The following NTM variants were observed in gnomAD, a reference collection of about 807,000 sequenced individuals.
NTM encodes IgLON family member 2.
A neutral mutation model predicts 42.1 loss-of-function variants in NTM; 13 were observed. That is an observed-to-expected ratio of 0.31 (90% CI 0.20 to 0.49). The LOEUF is 0.49. Among genes scored for constraint, NTM ranks in the 20% least tolerant of loss-of-function variants. The pLI, the probability that NTM is intolerant of heterozygous loss-of-function variation, is 0.99. For synonymous variants in NTM, 187 were observed against 179.2 expected (o/e 1.04, Z -0.35); for missense variants, 373 against 452.8 (o/e 0.82, Z 1.60).
chr11:132,053,928 A>G (rs567645560), intron 2 of NTM, among the ~76,000 whole-genome samples: 68 of 152,336 alleles, frequency 4.5e-4, no homozygotes, highest in African/African-American at 1.6e-3. Flanking sequence ...CACCCAATAA[A>G]AAAGTCGCTG....
chr11:132,317,805 G>A, intron 7 of NTM: 1 of 480,582 alleles, frequency 2.1e-6, no homozygotes, highest in Non-Finnish European at 3.7e-6. Flanking sequence ...AGAGGATGTG[G>A]AAGGCTATTG....
At chr11:132,269,069 T>G (rs1008742350) in intron 4 of NTM, among the ~76,000 whole-genome samples, 11 of 152,174 alleles carry the variant, frequency 7.2e-5, no homozygotes, top group African/African-American at 2.7e-4. Context: ...AGACTCCATG[T>G]GACCACTTTA....
chr11:131,677,806 C>A (rs2071693274), intron 1 of NTM, among the ~76,000 whole-genome samples: 1 of 152,214 alleles, frequency 6.6e-6, no homozygotes, highest in African/African-American at 2.4e-5. Flanking sequence ...TACCAGCGCC[C>A]TGCAGAGGCC....
At chr11:131,761,084 GC>G (rs2084091567) in intron 1 of NTM, among the ~76,000 whole-genome samples, 1 of 152,132 alleles carries the variant, frequency 6.6e-6, no homozygotes, top group South Asian at 2.1e-4. Flanking sequence ...GGCAGGGGAA[GC>G]GGGGAGGACA....
At chr11:131,834,705 A>C (rs930752400) in intron 1 of NTM, among the ~76,000 whole-genome samples, 1 of 150,660 alleles carries the variant, frequency 6.6e-6, no homozygotes, top group African/African-American at 2.4e-5. Flanking sequence ...TTTACACATG[A>C]GGAATCTGAG....
In NTM at chr11:132,132,942, A is replaced by T. The variant is rs147686206; in HGVS notation, c.168-13340A>T. On this transcript the variant is annotated intron_variant, in intron 2 of 8. Transcript: ENST00000683400. ...TTAAAATCTGAGTAACACCCAGTGC[A>T]TTGTCAAGCTTTCAAAATGTTCATT... 7.4e-3 allele frequency among the ~76,000 whole-genome samples: 1,131 copies of T among 152,342 alleles called. 7 individuals carry two copies. The highest frequency in any genetic ancestry group is 0.012 in the Non-Finnish European group (808 of 68,034).
rs2059108881 is a variant in NTM at position 131,935,463 on chromosome 11, A to G, written c.167+23815A>G. ...TTAGTCATAAATATTTGTCCTAAAA[A>G]CCAGTTTTGGGCCACTTCCATGTCC... is the stretch of plus-strand genomic sequence containing the variant. On this transcript the variant is annotated intron_variant, in intron 2 of 8. Coordinates refer to ENST00000683400, the MANE Select transcript of NTM (RefSeq NM_001352005.2). Among the ~76,000 whole-genome samples, 3 of 152,062 alleles carry G rather than the reference A, an allele frequency of 2.0e-5. No homozygotes were observed. In the South Asian group the frequency reaches 6.2e-4, roughly 32 times the overall value.
intron 2 of NTM, among the ~76,000 whole-genome samples, chr11:131,932,606 C>A (rs959572910): frequency 6.6e-6 from 1 of 152,142 alleles, no homozygotes; most frequent in Non-Finnish European, 1.5e-5. Flanking sequence ...GCACTTCATC[C>A]AGCTTCTGCA....
chr11:132,114,683 TA>T (rs1431486789), intron 2 of NTM, among the ~76,000 whole-genome samples: 1 of 152,214 alleles, frequency 6.6e-6, no homozygotes, highest in Admixed American at 6.5e-5. Flanking sequence ...AGGTTGTTTC[TA>T]GGGGGAAGGA....
intron 2 of NTM, among the ~76,000 whole-genome samples, chr11:131,986,063 T>A (rs2066024022): frequency 6.6e-6 from 1 of 152,226 alleles, no homozygotes; most frequent in South Asian, 2.1e-4. Context: ...GACCCTGTTT[T>A]GGATTGAACT....
chr11:131,731,098 A>G (rs2079626583), intron 1 of NTM, among the ~76,000 whole-genome samples: 2 of 152,124 alleles, frequency 1.3e-5, no homozygotes, highest in East Asian at 1.9e-4. Context: ...AAACCCTACA[A>G]TTTGATGGAA....
At chr11:131,813,545 T>C (rs1235398150) in intron 1 of NTM, among the ~76,000 whole-genome samples, 1 of 152,120 alleles carries the variant, frequency 6.6e-6, no homozygotes, top group Non-Finnish European at 1.5e-5. Flanking sequence ...AAAAGAGATA[T>C]GTGAGCTTTA....
intron 1 of NTM, among the ~76,000 whole-genome samples, chr11:131,601,704 A>G (rs1242459949): frequency 6.6e-6 from 1 of 152,146 alleles, no homozygotes; most frequent in Non-Finnish European, 1.5e-5. Flanking sequence ...TCTGACTACA[A>G]GTTTCTCAAA....
chr11:132,156,137 A>C (rs1356795672), intron 3 of NTM, among the ~76,000 whole-genome samples: 1 of 152,096 alleles, frequency 6.6e-6, no homozygotes, highest in African/African-American at 2.4e-5. Context: ...GATCTTTTCA[A>C]ACCAAATCTG....
chr11:131,771,997 C>T (rs2086180326), intron 1 of NTM, among the ~76,000 whole-genome samples: 1 of 152,036 alleles, frequency 6.6e-6, no homozygotes. Context: ...TTCATTATTC[C>T]TCCCAACCTA....
At chr11:131,684,351 C>T (rs918850774) in intron 1 of NTM, among the ~76,000 whole-genome samples, 1 of 152,194 alleles carries the variant, frequency 6.6e-6, no homozygotes, top group Admixed American at 6.5e-5. Context: ...TAGTCACACA[C>T]CCCCTCCCCA....
At chr11:132,260,256 C>CTTT in intron 4 of NTM, among the ~76,000 whole-genome samples, 1 of 148,234 alleles carries the variant, frequency 6.7e-6, no homozygotes, top group African/African-American at 2.5e-5. Flanking sequence ...ATCACCCAGC[C>CTTT]TTTTTTTTTT....
chr11:131,448,263 T>A (rs1424158683), intron 1 of NTM, among the ~76,000 whole-genome samples: 1 of 152,214 alleles, frequency 6.6e-6, no homozygotes, highest in African/African-American at 2.4e-5. Flanking sequence ...AGCTGCACCA[T>A]CTTCTTCTCT....
intron 2 of NTM, among the ~76,000 whole-genome samples, chr11:132,130,461 G>A (rs550256164): frequency 2.0e-5 from 3 of 152,134 alleles, no homozygotes; most frequent in East Asian, 1.9e-4. Flanking sequence ...TACTTCATGC[G>A]TTTAAGTTCT....
Sources: allele counts gnomAD v4.1 joint callset (sites outside exome capture counted in the v4.1 genomes callset), GRCh38; gene constraint gnomAD v4.1.1; transcripts MANE v1.5; gene names NCBI Gene and HGNC (gene_info 2026-07-23, HGNC 2026-07-21).